The following SYNPR variants were observed in gnomAD, a reference collection of about 807,000 sequenced individuals.
SYNPR encodes the protein synaptoporin.
In SYNPR, 23 loss-of-function variants were observed where a neutral mutation model predicts 32.9. That is an observed-to-expected ratio of 0.70 (90% CI 0.50 to 0.99). The LOEUF (loss-of-function observed/expected upper bound fraction) is 0.99. Among genes scored for constraint, SYNPR ranks in the 50% least tolerant of loss-of-function variants. The pLI is 0.00. For synonymous variants in SYNPR, 146 were observed against 135.9 expected (o/e 1.07, Z -0.52); for missense variants, 318 against 349.3 (o/e 0.91, Z 0.71).
chr3:63,283,810 CTTTTTTT>C (rs142282438), intron 2 of SYNPR, among the ~76,000 whole-genome samples: 5 of 87,134 alleles, frequency 5.7e-5, no homozygotes, highest in African/African-American at 9.8e-5. Context: ...AGATAATTAC[CTTTTTTT>C]TTTTTTTTTT....
chr3:63,452,046 T>A, intron 2 of SYNPR: 1 of 701,396 alleles, frequency 1.4e-6, no homozygotes, highest in South Asian at 1.5e-5. Context: ...TTTTTTTCTC[T>A]TTCTCCCACT....
rs771070370 is a variant in SYNPR, at chr3:63,609,199, C to G, written c.483C>G (p.Asp161Glu). 6.2e-7 allele frequency: 1 copy of G among 1,610,858 alleles called. No homozygotes were observed. The highest frequency in any genetic ancestry group is 8.5e-7 in the Non-Finnish European group (1 of 1,178,534). The change falls in exon 5 of 6, where the codon GAC (aspartate) becomes GAG (glutamate). Residue 161 changes from aspartate to glutamate, a missense_variant. By Grantham distance (45) the Asp-to-Glu change is conservative (BLOSUM62 2). Transcript: ENST00000478300. The stretch of plus-strand genomic sequence containing the variant: ...CAGCTTGGGCAAAAGGACTGTCTGA[C>G]GTCAAAGTTGCAACGGATCCCAAGG... The part of the protein sequence containing the change: ...GSSAWAKGLS[D>E]VKVATDPKEV...
intron 3 of SYNPR, among the ~76,000 whole-genome samples, chr3:63,556,234 T>G (rs775207559): frequency 3.3e-5 from 5 of 152,154 alleles, no homozygotes; most frequent in Non-Finnish European, 7.3e-5. Context: ...GAGGAAGCAC[T>G]GAAGAATTTC....
chr3:63,522,625 G>T (rs1362214864), intron 3 of SYNPR, among the ~76,000 whole-genome samples: 3 of 152,170 alleles, frequency 2.0e-5, no homozygotes, highest in Non-Finnish European at 4.4e-5. Flanking sequence ...GGTTTCCCAG[G>T]TGATTCTAAC....
chr3:63,443,522 A>G (rs1211394126), intron 2 of SYNPR: 2 of 1,578,948 alleles, frequency 1.3e-6, no homozygotes, highest in East Asian at 4.5e-5. Context: ...ATGTGTGTGC[A>G]TGTATGTGTC....
At chr3:63,434,847 T>A (rs1358386265) in intron 2 of SYNPR, among the ~76,000 whole-genome samples, 1 of 152,196 alleles carries the variant, frequency 6.6e-6, no homozygotes, top group African/African-American at 2.4e-5. Context: ...AAAATAGGCA[T>A]CATAAAAGTC....
Position 63,480,952 on chromosome 3 carries a change from T to C in SYNPR, c.205T>C (p.Phe69Leu), listed in dbSNP as rs1164289109. Residue 69 changes from phenylalanine (F) to leucine (L), a missense_variant, in exon 3 of 6, where the codon TTC (phenylalanine) becomes CTC (leucine). Coordinates refer to ENST00000478300, the MANE Select transcript of SYNPR (RefSeq NM_001130003.2). ...LSIDIAFAYP[F>L]RLHQVTFEVP... Reference sequence around the variant, plus strand: ...CATCGACATAGCGTTTGCCTACCCATTCAGGTAGGGAATGGTGGTTCATGC... The same window carrying C: ...CATCGACATAGCGTTTGCCTACCCACTCAGGTAGGGAATGGTGGTTCATGC... 11 of 1,612,118 alleles carry C rather than the reference T, an allele frequency of 6.8e-6. No homozygotes were observed. Among genetic ancestry groups the C allele is most frequent in the Non-Finnish European group, 9.3e-6 (11 of 1,178,654 alleles).
chr3:63,268,895 G>A (rs2086512098), intron 3 of SYNPR, among the ~76,000 whole-genome samples: 1 of 152,136 alleles, frequency 6.6e-6, no homozygotes, highest in Non-Finnish European at 1.5e-5. Flanking sequence ...TGACATTTTT[G>A]CACTGTGCGA....
chr3:63,604,059 CT>C (rs1436306107), intron 4 of SYNPR, among the ~76,000 whole-genome samples: 2 of 152,016 alleles, frequency 1.3e-5, no homozygotes, highest in African/African-American at 4.8e-5. Flanking sequence ...ATTCATCTTC[CT>C]CCTGGTTCAA....
At chr3:63,540,057 C>T (rs1055071256) in intron 3 of SYNPR, among the ~76,000 whole-genome samples, 2 of 152,138 alleles carry the variant, frequency 1.3e-5, no homozygotes, top group African/African-American at 4.8e-5. Context: ...GGAGCTACCA[C>T]ATGTGTCTGC....
At chr3:63,481,445 A>ATG (rs1278991637) in intron 3 of SYNPR, among the ~76,000 whole-genome samples, 24,603 of 134,054 alleles carry the variant, frequency 0.18, 2,103 homozygotes, top group African/African-American at 0.24. Flanking sequence ...GTATATATAT[A>ATG]TATATATGTG....
intron 5 of SYNPR, among the ~76,000 whole-genome samples, chr3:63,609,647 C>A (rs973662329): frequency 3.3e-5 from 5 of 152,172 alleles, no homozygotes; most frequent in African/African-American, 1.2e-4. Flanking sequence ...TGGCTCACGC[C>A]TATAATCCCA....
rs115412152 is a variant in SYNPR at position 63,388,164 on chromosome 3, T to A, written c.85-92668T>A. 2.9e-3 allele frequency among the ~76,000 whole-genome samples: 436 copies of A among 152,146 alleles called. 3 individuals carry two copies. The highest frequency in any genetic ancestry group is 9.8e-3 in the African/African-American group (407 of 41,524). ...TTGTCCGAGGAAGAGTGAGTGACTTTGAGTGAGGCAGCCCTCCTCAACTAA... is the reference window on the plus strand; with the variant it reads ...TTGTCCGAGGAAGAGTGAGTGACTTAGAGTGAGGCAGCCCTCCTCAACTAA... On this transcript the variant is annotated intron_variant, in intron 2 of 5. Coordinates refer to ENST00000478300, the MANE Select transcript of SYNPR (RefSeq NM_001130003.2).
At chr3:63,374,559 C>A (rs1431624739) in intron 2 of SYNPR, among the ~76,000 whole-genome samples, 4 of 152,078 alleles carry the variant, frequency 2.6e-5, no homozygotes, top group African/African-American at 9.7e-5. Flanking sequence ...ATATAACACA[C>A]CTGCACATAT....
At chr3:63,434,696 C>G (rs142002699) in intron 2 of SYNPR, among the ~76,000 whole-genome samples, 197 of 152,320 alleles carry the variant, frequency 1.3e-3, no homozygotes, top group African/African-American at 4.5e-3. Context: ...TCTTCTGGTT[C>G]CATACCAGGC....
chr3:63,276,529 AAACT>A (rs1414980524), upstream of SYNPR, among the ~76,000 whole-genome samples: 3 of 152,298 alleles, frequency 2.0e-5, no homozygotes, highest in East Asian at 5.8e-4. Context: ...ACAAAGAAAC[AAACT>A]GAGGTCTTGA....
intron 3 of SYNPR, among the ~76,000 whole-genome samples, chr3:63,512,220 T>C (rs1305888688): frequency 6.6e-6 from 1 of 152,126 alleles, no homozygotes; most frequent in African/African-American, 2.4e-5. Context: ...CTCTCTCTCG[T>C]CTCATGTTAT....
intron 4 of SYNPR, among the ~76,000 whole-genome samples, chr3:63,591,140 G>A (rs922610356): frequency 1.3e-5 from 2 of 150,234 alleles, no homozygotes; most frequent in African/African-American, 4.9e-5. Flanking sequence ...TCAAAAAGTG[G>A]GCGAAGGACA....
At chr3:63,582,782 C>G (rs979414667) in intron 4 of SYNPR, among the ~76,000 whole-genome samples, 2 of 152,086 alleles carry the variant, frequency 1.3e-5, no homozygotes, top group African/African-American at 4.8e-5. Context: ...CCGGTTCTAC[C>G]ACTTACTAGC....
Sources: allele counts gnomAD v4.1 joint callset (sites outside exome capture counted in the v4.1 genomes callset), GRCh38; gene constraint gnomAD v4.1.1; transcripts MANE v1.5; gene names NCBI Gene and HGNC (gene_info 2026-07-23, HGNC 2026-07-21).